PRTN3: variants seen among roughly 807,000 people sequenced by gnomAD.
PRTN3 encodes myeloblastin.
PRTN3 carries 22 observed loss-of-function variants against 20.7 expected under a neutral mutation model. That is an observed-to-expected ratio of 1.06 (90% CI 0.76 to 1.52). The LOEUF is 1.52. PRTN3 is among the 40% of genes most tolerant of loss of function. PRTN3 has a pLI of 0.00. For synonymous variants in PRTN3, 173 were observed against 152.9 expected, an observed-to-expected ratio of 1.13 and a Z score of -0.97; for missense variants, 378 against 359.6, an observed-to-expected ratio of 1.05 and a Z score of -0.41.
intron 1 of PRTN3, among the ~76,000 whole-genome samples, chr19:842,643 A>G (rs2035461431): frequency 7.5e-6 from 1 of 134,148 alleles, no homozygotes; most frequent in South Asian, 2.3e-4. Context: ...GCTGGAGTGC[A>G]GTGGGGCGAT....
rs766336290 is a variant in PRTN3 at position 847,962 on chromosome 19, G to A, written c.764G>A (p.Arg255His). ...CTGCGCCGTGTGGAGGCCAAGGGCC[G>A]CCCCTGAACCGCCCCTCCCACAGCG... ...STLRRVEAKGRP is the reference protein window; with the variant it reads ...STLRRVEAKGHP Residue 255 changes from arginine to histidine, a missense_variant, in exon 5 of 5, where the codon CGC (arginine) becomes CAC (histidine). Physicochemically the swap from Arg to His is conservative, Grantham distance 29. Coordinates refer to ENST00000234347, the MANE Select transcript of PRTN3 (RefSeq NM_002777.4). 1.6e-5 allele frequency: 25 copies of A among 1,598,882 alleles called. No individual in the cohort carries two copies. Among genetic ancestry groups the A allele is most frequent in the African/African-American group, 5.4e-5 (4 of 74,698 alleles).
At chr19:845,102 C>A (rs1599283996) in intron 3 of PRTN3, among the ~76,000 whole-genome samples, 2 of 152,002 alleles carry the variant, frequency 1.3e-5, no homozygotes, top group Non-Finnish European at 2.9e-5. Context: ...CATGCACCAA[C>A]ACGCTTGGCT....
chr19:847,551 A>G (rs201976038), intron 4 of PRTN3, among the ~76,000 whole-genome samples: 503 of 115,384 alleles, frequency 4.4e-3, no homozygotes, highest in Non-Finnish European at 5.4e-3. Flanking sequence ...AAGAAAGAAA[A>G]AGAAAGAGAG....
At chr19:847,208 A>C (rs535582536) in intron 4 of PRTN3, among the ~76,000 whole-genome samples, 38 of 152,272 alleles carry the variant, frequency 2.5e-4, no homozygotes, top group Admixed American at 2.4e-3. Context: ...CAGGAGGCTA[A>C]GGCAGGAGGA....
At position 846,215 on chromosome 19, in the gene PRTN3, G is replaced by A. The variant is rs1222046401; in HGVS notation, c.438G>A (p.Val146=). Residue 146 remains valine (V), a synonymous_variant, in exon 4 of 5, where the codon GTG becomes GTA. Coordinates refer to ENST00000234347, the MANE Select transcript of PRTN3 (RefSeq NM_002777.4). ...AGCTGCCACAGCAGGACCAGCCAGTGCCCCACGGCACCCAGTGCCTGGCCA... is the reference window on the plus strand; with the variant it reads ...AGCTGCCACAGCAGGACCAGCCAGTACCCCACGGCACCCAGTGCCTGGCCA... ...TVQLPQQDQP[V]PHGTQCLAMG... The A allele has an allele frequency of 1.3e-6, 2 of 1,546,470 alleles. No homozygotes were observed. The highest frequency in any genetic ancestry group is 2.4e-5 in the East Asian group (1 of 40,910).
At chr19:843,778 CG>C (rs2035477074) in intron 2 of PRTN3, 114 bp from the exon 3 acceptor site, 2 of 1,453,798 alleles carry the variant, frequency 1.4e-6, no homozygotes, top group Non-Finnish European at 9.0e-7. Flanking sequence ...GGGGGAGGCC[CG>C]GGGCAGGGTC....
At chr19:845,636 C>T (rs889897197) in intron 3 of PRTN3, among the ~76,000 whole-genome samples, 2 of 151,640 alleles carry the variant, frequency 1.3e-5, no homozygotes, top group Admixed American at 1.3e-4. Flanking sequence ...ATTGCTTGAA[C>T]CCAGGAGGCA....
intron 4 of PRTN3, among the ~76,000 whole-genome samples, chr19:846,794 G>A (rs191223139): frequency 2.0e-5 from 3 of 152,276 alleles, no homozygotes; most frequent in Admixed American, 2.0e-4. Context: ...CCAGGCTGGA[G>A]TGCAGTGGTG....
intron 4 of PRTN3, among the ~76,000 whole-genome samples, 155 bp downstream of exon 4, chr19:846,532 C>G (rs540629534): frequency 6.6e-6 from 1 of 151,854 alleles, no homozygotes; most frequent in African/African-American, 2.4e-5. Flanking sequence ...AACGGGCAGG[C>G]TCAGCGGGGT....
chr19:847,223 T>C (rs2035528127), intron 4 of PRTN3, among the ~76,000 whole-genome samples: 1 of 152,068 alleles, frequency 6.6e-6, no homozygotes, highest in Admixed American at 6.6e-5. Context: ...GGAGGATCAC[T>C]TGAGCCTGGG....
Position 843,883 on chromosome 19 carries a change from AC to A in PRTN3, c.228-5del. 1.9e-6 allele frequency: 3 copies of A among 1,576,550 alleles called. No individual in the cohort carries two copies. Among genetic ancestry groups the A allele is most frequent in the Admixed American group, 1.9e-5 (1 of 53,504 alleles). ...CAGGGCGCCGAGGAGTGACCACCCCACCCCCGCAGACCCCAGCGCCTGGTGA... is the reference window on the plus strand; with the variant it reads ...CAGGGCGCCGAGGAGTGACCACCCCACCCCGCAGACCCCAGCGCCTGGTGA... On this transcript the variant is annotated splice_polypyrimidine_tract_variant and intron_variant, in intron 2 of 4. Coordinates refer to ENST00000234347, the MANE Select transcript of PRTN3 (RefSeq NM_002777.4).
chr19:841,202 C>A, intron 1 of PRTN3, 133 bp downstream of exon 1: 1 of 1,221,822 alleles, frequency 8.2e-7, no homozygotes, highest in Non-Finnish European at 1.1e-6. Flanking sequence ...GGAGACTCCA[C>A]TCACTGCTCG....
chr19:843,905 G>C lies in PRTN3; in HGVS notation c.240G>C (p.Leu80=), dbSNP rs745378246. ...CCCACCCCCGCAGACCCCAGCGCCT[G>C]GTGAACGTGGTGCTCGGAGCCCACA... is the stretch of plus-strand genomic sequence containing the variant. The part of the protein sequence containing the change: ...AHCLRDIPQR[L]VNVVLGAHNV... The change falls in exon 3 of 5, where the codon CTG becomes CTC. Residue 80 remains leucine, a synonymous_variant. Transcript: ENST00000234347. The C allele has an allele frequency of 4.4e-6, 7 of 1,593,854 alleles. No individual in the cohort carries two copies. In the South Asian group the frequency reaches 8.0e-5, roughly 18 times the overall value.
chr19:841,104 A>T (rs765651748), intron 1 of PRTN3, 35 bp downstream of exon 1: 5 of 1,596,894 alleles, frequency 3.1e-6, no homozygotes, highest in Non-Finnish European at 4.2e-6. Context: ...TCCAGCCTCC[A>T]GGCCCCGGTG....
intron 1 of PRTN3, among the ~76,000 whole-genome samples, chr19:841,750 C>T (rs1332589814): frequency 4.1e-5 from 5 of 122,312 alleles, no homozygotes; most frequent in African/African-American, 1.2e-4. Context: ...TTTTTTGAGA[C>T]GGAGTCTCGC....
rs2087437116 is a variant in PRTN3 at position 848,052 on chromosome 19, C to A, written c.*83C>A. The stretch of plus-strand genomic sequence containing the variant: ...GGATCTTTGGACAGAAGCAGCTCTT[C>A]CCCGAACACTGTGGCGTCCGGGACG... On this transcript the variant is annotated 3_prime_UTR_variant, in exon 5 of 5. Transcript: ENST00000234347. 1.9e-5 allele frequency: 28 copies of A among 1,475,128 alleles called. No homozygotes were observed. In the South Asian group the frequency reaches 3.4e-4, roughly 18 times the overall value. The allele number at this position is 1,475,128 out of a possible 1,614,324, so 91.4% of individuals were successfully genotyped here.
At position 842,394 on chromosome 19, in the gene PRTN3, A is replaced by C. The variant is rs1260837967; in HGVS notation, c.62-1067A>C. On this transcript the variant is annotated intron_variant, in intron 1 of 4. Transcript: ENST00000234347. ...TTTTGAGATGGGGTCTCACTCAGGC[A>C]TGAGCCACTGCGCCCAGGATTTTTT... 1.7e-5 allele frequency among the ~76,000 whole-genome samples: 2 copies of C among 118,350 alleles called. 1 individual carries two copies. Among genetic ancestry groups the C allele is most frequent in the Admixed American group, 1.8e-4 (2 of 10,828 alleles). 77.6% of individuals were successfully genotyped at this position (118,350 alleles called of 152,430 possible). A position where few individuals can be genotyped will look rare whatever the true frequency, so the allele number is the denominator to read the frequency against.
At chr19:845,600 G>A (rs886368489) in intron 3 of PRTN3, among the ~76,000 whole-genome samples, 3 of 151,890 alleles carry the variant, frequency 2.0e-5, no homozygotes, top group African/African-American at 7.3e-5. Context: ...TGTAGTCCCA[G>A]CTACTTGGGA....
Position 842,586 on chromosome 19 carries a change from A to ATTTTTTTTTTTT in PRTN3, c.62-866_62-855dup, listed in dbSNP as rs71174326. On this transcript the variant is annotated intron_variant, in intron 1 of 4. Coordinates refer to ENST00000234347, the MANE Select transcript of PRTN3 (RefSeq NM_002777.4). ...AGGTGCGAACCACCACACCTGGCTA[A>ATTTTTTTTTTTT]TTTTTTTTTTTTTTTTTTTTGAGAC... 1.1e-3 allele frequency among the ~76,000 whole-genome samples: 74 copies of ATTTTTTTTTTTT among 65,454 alleles called. 11 individuals are homozygous for ATTTTTTTTTTTT. Among genetic ancestry groups the ATTTTTTTTTTTT allele is most frequent in the African/African-American group, 4.9e-3 (62 of 12,638 alleles). The allele number at this position is 65,454 out of a possible 152,430, so 42.9% of individuals were successfully genotyped here. A position where few individuals can be genotyped will look rare whatever the true frequency, so the allele number is the denominator to read the frequency against.
Sources: allele counts gnomAD v4.1 joint callset (sites outside exome capture counted in the v4.1 genomes callset), GRCh38; gene constraint gnomAD v4.1.1; transcripts MANE v1.5; gene names NCBI Gene and HGNC (gene_info 2026-07-23, HGNC 2026-07-21).